NBEA: variants seen among roughly 807,000 people sequenced by gnomAD.
NBEA encodes the protein lysosomal-trafficking regulator 2.
Under a neutral mutation model 343.4 loss-of-function variants are expected in NBEA, and 44 were observed. The observed-to-expected ratio is 0.13, with a 90% CI of 0.10 to 0.16. The LOEUF (loss-of-function observed/expected upper bound fraction) is 0.16, where lower values mean the gene tolerates loss of function less well. Ranked by LOEUF, NBEA falls within the 10% of genes least tolerant of loss-of-function variation. The pLI is 1.00. For synonymous variants in NBEA, 1,175 were observed against 1,238.7 expected (o/e 0.95, Z 1.08); for missense variants, 2,555 against 3,631.3 (o/e 0.70, Z 7.62).
Position 35,671,575 on chromosome 13 carries a change from A to ATG in NBEA, c.*584_*585insTG, listed in dbSNP as rs2085617804. The ATG allele has an allele frequency of 6.5e-6, 1 of 152,774 alleles. No homozygotes were observed. Among genetic ancestry groups the ATG allele is most frequent in the South Asian group, 2.1e-4 (1 of 4,832 alleles). 9.5% of individuals were successfully genotyped at this position (152,774 alleles called of 1,614,324 possible). ...AACAGGTGCATTCACACTATGAAAC[A>ATG]GAAAGATCTGTCCAAGGACACAGCT... is the stretch of plus-strand genomic sequence containing the variant. On this transcript the variant is annotated 3_prime_UTR_variant, in exon 59 of 59. Transcript: ENST00000379939.
rs950068389 is a variant in NBEA, at chr13:34,985,088, G to A, written c.294+41974G>A. On this transcript the variant is annotated intron_variant, in intron 1 of 58. Transcript: ENST00000379939. ...TTACAACACTATGTTGAATAGGAGTGGTGAGAGAGGGCATCCTTGTCTTGT... is the reference window on the plus strand; with the variant it reads ...TTACAACACTATGTTGAATAGGAGTAGTGAGAGAGGGCATCCTTGTCTTGT... Among the ~76,000 whole-genome samples the A allele has an allele frequency of 3.3e-5, 5 of 151,046 alleles. 1 individual carries two copies. Among genetic ancestry groups the A allele is most frequent in the Admixed American group, 6.6e-5 (1 of 15,148 alleles).
At chr13:35,399,337 T>C (rs2042892703) in intron 38 of NBEA, among the ~76,000 whole-genome samples, 1 of 152,156 alleles carries the variant, frequency 6.6e-6, no homozygotes, top group Admixed American at 6.6e-5. Context: ...AGAGGTTTAA[T>C]TGACTCACAG....
At chr13:35,181,877 T>C (rs1452458668) in intron 28 of NBEA, among the ~76,000 whole-genome samples, 1 of 151,822 alleles carries the variant, frequency 6.6e-6, no homozygotes, top group Non-Finnish European at 1.5e-5. Flanking sequence ...CCCCATTGTT[T>C]ATTTCTCCTC....
chr13:35,442,176 C>T (rs956763163), intron 39 of NBEA, among the ~76,000 whole-genome samples: 3 of 152,094 alleles, frequency 2.0e-5, no homozygotes, highest in African/African-American at 7.2e-5. Context: ...GTATTTATTT[C>T]ATGTTAGTCT....
chr13:34,979,345 C>A (rs1156586023), intron 1 of NBEA, among the ~76,000 whole-genome samples: 1 of 152,092 alleles, frequency 6.6e-6, no homozygotes. Flanking sequence ...CATGGTGAAA[C>A]CCCACTTCTA....
chr13:34,990,032 G>C (rs1343886993), intron 1 of NBEA, among the ~76,000 whole-genome samples: 7 of 151,142 alleles, frequency 4.6e-5, no homozygotes, highest in Admixed American at 6.6e-5. Context: ...TGATGCAAGG[G>C]GTAGGCTCCC....
chr13:35,282,394 C>CT (rs1244416172), intron 34 of NBEA, among the ~76,000 whole-genome samples: 1 of 152,072 alleles, frequency 6.6e-6, no homozygotes, highest in Admixed American at 6.6e-5. Flanking sequence ...TAGGACCAGT[C>CT]TTTCTTGAGC....
At chr13:35,070,937 T>A in intron 10 of NBEA, 85 bp downstream of exon 10, 1 of 1,396,450 alleles carries the variant, frequency 7.2e-7, no homozygotes, top group African/African-American at 1.4e-5. Flanking sequence ...TGTAAATGTA[T>A]TACAGTATTT....
intron 38 of NBEA, among the ~76,000 whole-genome samples, chr13:35,407,899 A>G (rs1409981000): frequency 1.3e-5 from 2 of 152,204 alleles, no homozygotes; most frequent in African/African-American, 4.8e-5. Context: ...ATGCTCATGG[A>G]TAGGAAGAAT....
intron 1 of NBEA, among the ~76,000 whole-genome samples, chr13:35,025,689 C>T (rs1365285447): frequency 6.6e-6 from 1 of 152,018 alleles, no homozygotes; most frequent in East Asian, 1.9e-4. Context: ...AAAGAGATGT[C>T]TCATCCTTTT....
At chr13:35,420,241 A>G (rs2044186732) in intron 38 of NBEA, among the ~76,000 whole-genome samples, 1 of 152,090 alleles carries the variant, frequency 6.6e-6, no homozygotes, top group Admixed American at 6.6e-5. Context: ...ACTCTTAAGT[A>G]TAAAGTTAGC....
intron 17 of NBEA, among the ~76,000 whole-genome samples, chr13:35,138,949 A>G (rs2067905303): frequency 6.6e-6 from 1 of 151,604 alleles, no homozygotes; most frequent in South Asian, 2.1e-4. Flanking sequence ...ATATAAAATG[A>G]TATTTATAAT....
intron 35 of NBEA, 143 bp downstream of exon 35, chr13:35,290,593 T>C (rs919116126): frequency 1.4e-5 from 8 of 571,108 alleles, no homozygotes; most frequent in Non-Finnish European, 2.1e-5. Context: ...AAATAATTTA[T>C]GTTGAGTTTT....
Position 35,444,440 on chromosome 13 carries a change from G to A in NBEA, c.6305-7652G>A, listed in dbSNP as rs889514329. ...ATTAATGCACTTTAAAAAGTATTTAGGTTTGGAAATGAATTGCAACATTTT... is the reference window on the plus strand; with the variant it reads ...ATTAATGCACTTTAAAAAGTATTTAAGTTTGGAAATGAATTGCAACATTTT... On this transcript the variant is annotated intron_variant, in intron 39 of 58. Transcript: ENST00000379939. Among the ~76,000 whole-genome samples the A allele has an allele frequency of 2.0e-5, 3 of 152,014 alleles. No homozygotes were observed. In the South Asian group the frequency reaches 6.2e-4, roughly 32 times the overall value.
chr13:34,967,579 C>T (rs1484736060), intron 1 of NBEA, among the ~76,000 whole-genome samples: 1 of 151,860 alleles, frequency 6.6e-6, no homozygotes, highest in African/African-American at 2.4e-5. Context: ...AATGTAAATA[C>T]ATAAATCGGT....
Position 35,161,500 on chromosome 13 carries a change from T to G in NBEA, c.3862-250T>G, listed in dbSNP as rs149997123. Among the ~76,000 whole-genome samples, 8 of 152,280 alleles carry G rather than the reference T, an allele frequency of 5.3e-5. No homozygotes were observed. The South Asian group carries it at 8.3e-4, about 16-fold the overall frequency. On this transcript the variant is annotated intron_variant, in intron 22 of 58. Transcript: ENST00000379939. ...CTGGTTTTCAGTGTGAACTTTGGTG[T>G]TAACTTTAGGTATTTGATTATCTTG...
At chr13:35,611,683 G>A (rs1479036660) in intron 48 of NBEA, among the ~76,000 whole-genome samples, 1 of 152,132 alleles carries the variant, frequency 6.6e-6, no homozygotes, top group African/African-American at 2.4e-5. Context: ...TGTGGTCTTT[G>A]AGTTTGACTT....
intron 33 of NBEA, among the ~76,000 whole-genome samples, chr13:35,212,190 A>G (rs769457087): frequency 2.0e-5 from 3 of 152,108 alleles, no homozygotes; most frequent in Non-Finnish European, 4.4e-5. Flanking sequence ...TTTTCTTCCA[A>G]TTCCTTACCC....
chr13:35,147,273 G>C (rs1335630789), intron 18 of NBEA, among the ~76,000 whole-genome samples: 1 of 152,236 alleles, frequency 6.6e-6, no homozygotes, highest in Admixed American at 6.5e-5. Context: ...CAAATATGCT[G>C]CTTTTCTTCA....
Sources: gnomAD v4.1 joint callset for allele counts (sites outside exome capture counted in the v4.1 genomes callset) on GRCh38, gnomAD v4.1.1 for gene constraint, MANE v1.5 for transcripts, NCBI Gene and HGNC (gene_info 2026-07-23, HGNC 2026-07-21) for gene names.